The following ILDR2 variants were observed in gnomAD, a reference collection of about 807,000 sequenced individuals.
ILDR2 encodes the protein immunoglobulin-like domain-containing receptor 2.
ILDR2 carries 25 observed loss-of-function variants against 66.8 expected under a neutral mutation model. The observed-to-expected ratio is 0.37, with a 90% confidence interval of 0.27 to 0.52. The LOEUF (loss-of-function observed/expected upper bound fraction) is 0.52. Ranked by LOEUF, ILDR2 falls within the 20% of genes least tolerant of loss-of-function variation. The pLI is 0.88. For synonymous variants in ILDR2, 367 were observed against 357.2 expected (o/e 1.03, Z -0.31); for missense variants, 827 against 876.8 (o/e 0.94, Z 0.72).
At chr1:166,953,296 T>A (rs2312675) in intron 3 of ILDR2, among the ~76,000 whole-genome samples, 1 of 152,032 alleles carries the variant, frequency 6.6e-6, no homozygotes, top group African/African-American at 2.4e-5. Context: ...TCACTGGTTC[T>A]CCTAAGTCTT....
chr1:166,957,895 G>C lies in ILDR2; in HGVS notation c.253C>G (p.Leu85Val), dbSNP rs1265320892. The change falls in exon 2 of 10, where the codon CTG (leucine) becomes GTG (valine). Residue 85 changes from leucine (L) to valine (V), a missense_variant. Transcript: ENST00000271417. ...TRAQSLSKRN[L>V]EWDPYLDCLD... ...CAATCCAAGTAGGGGTCCCATTCCAGGTTTCTCTTGCTGAGAGATTGGGCC... is the reference window on the plus strand; with the variant it reads ...CAATCCAAGTAGGGGTCCCATTCCACGTTTCTCTTGCTGAGAGATTGGGCC... 3.1e-6 allele frequency: 5 copies of C among 1,614,074 alleles called. No individual in the cohort carries two copies. Among genetic ancestry groups the C allele is most frequent in the Non-Finnish European group, 3.4e-6 (4 of 1,180,044 alleles).
In ILDR2 at chr1:166,957,905, G is replaced by C; in HGVS notation, c.243C>G (p.Ser81Arg). Reference protein sequence around the residue: ...GMSSTRAQSLSKRNLEWDPYL... With the variant: ...GMSSTRAQSLRKRNLEWDPYL... ...AGGGGTCCCATTCCAGGTTTCTCTT[G>C]CTGAGAGATTGGGCCCGGGTAGAGG... The change falls in exon 2 of 10, where the codon AGC (serine) becomes AGG (arginine). Residue 81 changes from serine to arginine, a missense_variant. Physicochemically the swap from Ser to Arg is moderately radical, Grantham distance 110. Coordinates refer to ENST00000271417, the MANE Select transcript of ILDR2 (RefSeq NM_199351.3). 6.2e-7 allele frequency: 1 copy of C among 1,614,152 alleles called. No homozygotes were observed. Among genetic ancestry groups the C allele is most frequent in the Non-Finnish European group, 8.5e-7 (1 of 1,180,030 alleles).
chr1:166,969,338 T>C (rs920297013), intron 1 of ILDR2, among the ~76,000 whole-genome samples: 1 of 152,236 alleles, frequency 6.6e-6, no homozygotes, highest in African/African-American at 2.4e-5. Flanking sequence ...GGCATGTTCT[T>C]CTGAGTTCTT....
downstream of ILDR2, among the ~76,000 whole-genome samples, chr1:166,903,989 C>A (rs34524508): frequency 0.015 from 2,264 of 152,294 alleles, 23 homozygotes; most frequent in Non-Finnish European, 0.024. Context: ...CAACACTGAT[C>A]CTTTTATGAA....
intron 6 of ILDR2, among the ~76,000 whole-genome samples, chr1:166,928,985 G>A (rs189289658): frequency 1.8e-4 from 28 of 152,256 alleles, no homozygotes; most frequent in South Asian, 1.7e-3. Flanking sequence ...TTACTGAGTC[G>A]TACAGACAGT....
rs1167694447 is a variant in ILDR2, at chr1:166,909,759, AAATATATATAAATATATATATT to A, written c.*9574_*9595del. On this transcript the variant is annotated 3_prime_UTR_variant, in exon 10 of 10. Coordinates refer to ENST00000271417, the MANE Select transcript of ILDR2 (RefSeq NM_199351.3). ...TACATATATATATATATATATATAT[AAATATATATAAATATATATATT>A]TATATATATATATATATATATATAT... The A allele has an allele frequency of 1.0e-3, 78 of 75,418 alleles. 1 individual carries two copies. The highest frequency in any genetic ancestry group is 4.9e-3 in the African/African-American group (73 of 14,812). 4.7% of individuals were successfully genotyped at this position (75,418 alleles called of 1,614,324 possible).
chr1:166,901,769 A>G (rs1311686885), intron 2 of ILDR2, among the ~76,000 whole-genome samples: 1 of 152,146 alleles, frequency 6.6e-6, no homozygotes, highest in Admixed American at 6.5e-5. Flanking sequence ...GCTTAGTCTC[A>G]TTGGTTGCAG....
Position 166,957,998 on chromosome 1 carries a change from C to T in ILDR2, c.150G>A (p.Gln50=). The T allele has an allele frequency of 1.2e-6, 2 of 1,614,180 alleles. No homozygotes were observed. Among genetic ancestry groups the T allele is most frequent in the East Asian group, 2.2e-5 (1 of 44,870 alleles). ...TGAACTTCCACTGCACAACTGCAGG[C>T]TGATGGGAGGATGTTGAGAAGTGGC... ...LRCHFSTSSH[Q]PAVVQWKFKS... Residue 50 remains glutamine (Q), a synonymous_variant, in exon 2 of 10, where the codon CAG becomes CAA. Transcript: ENST00000271417.
intron 3 of ILDR2, among the ~76,000 whole-genome samples, chr1:166,954,963 C>T (rs1662186512): frequency 6.6e-6 from 1 of 152,218 alleles, no homozygotes; most frequent in South Asian, 2.1e-4. Context: ...TACTTCTCTG[C>T]AAATGGCTGC....
At position 166,916,349 on chromosome 1, in the gene ILDR2, G is replaced by A. The variant is rs1228150677; in HGVS notation, c.*3006C>T. The A allele has an allele frequency of 6.6e-6, 1 of 151,940 alleles. No homozygotes were observed. Among genetic ancestry groups the A allele is most frequent in the East Asian group, 1.9e-4 (1 of 5,180 alleles). 9.4% of individuals were successfully genotyped at this position (151,940 alleles called of 1,614,324 possible). On this transcript the variant is annotated 3_prime_UTR_variant, in exon 10 of 10. Coordinates refer to ENST00000271417, the MANE Select transcript of ILDR2 (RefSeq NM_199351.3). ...CATTTTTTAAAAAAACTAAATCTCT[G>A]GTTTTATTATAATTTATCCATAGCA...
chr1:166,956,815 G>A lies in ILDR2; in HGVS notation c.417C>T (p.Asp139=), dbSNP rs1296917395. ...TGATAATACAGTAATAGAGTCCGCTGTCTCCCCACATAAGCTTTCCAATTT... is the reference window on the plus strand; with the variant it reads ...TGATAATACAGTAATAGAGTCCGCTATCTCCCCACATAAGCTTTCCAATTT... ...DLQIGKLMWG[D]SGLYYCIITT... Residue 139 remains aspartate, a synonymous_variant, in exon 3 of 10, where the codon GAC becomes GAT. Coordinates refer to ENST00000271417, the MANE Select transcript of ILDR2 (RefSeq NM_199351.3). 6.2e-7 allele frequency: 1 copy of A among 1,613,980 alleles called. No individual in the cohort carries two copies. Among genetic ancestry groups the A allele is most frequent in the Non-Finnish European group, 8.5e-7 (1 of 1,179,896 alleles).
At chr1:166,959,124 C>G (rs1662458626) in intron 1 of ILDR2, among the ~76,000 whole-genome samples, 1 of 152,176 alleles carries the variant, frequency 6.6e-6, no homozygotes, top group Non-Finnish European at 1.5e-5. Flanking sequence ...TTCTGGGATG[C>G]TTTTTCCTCA....
At chr1:166,929,199 C>T (rs1194906086) in intron 6 of ILDR2, among the ~76,000 whole-genome samples, 1 of 152,176 alleles carries the variant, frequency 6.6e-6, no homozygotes, top group Admixed American at 6.5e-5. Context: ...ACTTGCCAAC[C>T]TTTAAATAAT....
chr1:166,904,253 T>A (rs1410311461), downstream of ILDR2, among the ~76,000 whole-genome samples: 1 of 152,224 alleles, frequency 6.6e-6, no homozygotes, highest in African/African-American at 2.4e-5. Flanking sequence ...TTTGCATTTA[T>A]CCCTTCTCAT....
rs1659458402 is a variant in ILDR2 at position 166,910,904 on chromosome 1, CTTCT to C, written c.*8447_*8450del. On this transcript the variant is annotated 3_prime_UTR_variant, in exon 10 of 10. Coordinates refer to ENST00000271417, the MANE Select transcript of ILDR2 (RefSeq NM_199351.3). ...CTATGAGTCTAGTCCTTCCTTGCTGCTTCTTTTTTTTCTTGTCTTTTTAAATTTT... is the reference window on the plus strand; with the variant it reads ...CTATGAGTCTAGTCCTTCCTTGCTGCTTTTTTTCTTGTCTTTTTAAATTTT... 6.6e-6 allele frequency: 1 copy of C among 152,128 alleles called. No homozygotes were observed. The highest frequency in any genetic ancestry group is 2.1e-4 in the South Asian group (1 of 4,826). The allele number at this position is 152,128 out of a possible 1,614,324, so 9.4% of individuals were successfully genotyped here. A position where few individuals can be genotyped will look rare whatever the true frequency, so the allele number is the denominator to read the frequency against.
intron 3 of ILDR2, among the ~76,000 whole-genome samples, chr1:166,949,506 A>G (rs1361065205): frequency 6.6e-6 from 1 of 152,250 alleles, no homozygotes; most frequent in Non-Finnish European, 1.5e-5. Flanking sequence ...ATCATAATTT[A>G]AATACAAATC....
chr1:166,906,508 T>C (rs1378955175), downstream of ILDR2, among the ~76,000 whole-genome samples: 1 of 152,138 alleles, frequency 6.6e-6, no homozygotes, highest in African/African-American at 2.4e-5. Context: ...GTAGTCAAGC[T>C]CTACAAATGT....
intron 1 of ILDR2, among the ~76,000 whole-genome samples, chr1:166,964,401 A>G (rs1662809679): frequency 6.6e-6 from 1 of 152,258 alleles, no homozygotes; most frequent in African/African-American, 2.4e-5. Context: ...GAGAAATTCA[A>G]TATAAAGTTC....
chr1:166,908,141 GTCTT>G (rs1659382636), downstream of ILDR2: 1 of 152,216 alleles, frequency 6.6e-6, no homozygotes, highest in Non-Finnish European at 1.5e-5. Context: ...GTGGATAGGT[GTCTT>G]AGTCACTTCA....
Sources: allele counts gnomAD v4.1 joint callset (sites outside exome capture counted in the v4.1 genomes callset), GRCh38; gene constraint gnomAD v4.1.1; transcripts MANE v1.5; gene names NCBI Gene and HGNC (gene_info 2026-07-23, HGNC 2026-07-21).